BLK: variants seen among roughly 807,000 people sequenced by gnomAD.
BLK encodes tyrosine-protein kinase Blk.
In BLK, 64 loss-of-function variants were observed where a neutral mutation model predicts 61.8. The observed-to-expected ratio is 1.03, with a 90% CI of 0.85 to 1.27. The LOEUF (loss-of-function observed/expected upper bound fraction) is 1.27. Ranked by LOEUF, BLK falls within the 50% of genes most tolerant of loss-of-function variation. The pLI is 0.00. For missense variants in BLK, 853 were observed against 660.5 expected, an observed-to-expected ratio of 1.29 and a Z score of -3.19; for synonymous variants, 351 against 272.0, an observed-to-expected ratio of 1.29 and a Z score of -2.86.
chr8:11,562,873 C>T (rs1169657155), intron 11 of BLK, 106 bp from the exon 12 acceptor site: 6 of 1,526,068 alleles, frequency 3.9e-6, no homozygotes, highest in Non-Finnish European at 4.5e-6. Context: ...TGAGGCCCCG[C>T]AGTGGGGGCT....
rs752301935 is a variant in BLK at position 11,548,166 on chromosome 8, C to T, written c.269+41C>T. 3.3e-6 allele frequency: 5 copies of T among 1,519,226 alleles called. No individual in the cohort carries two copies. In the South Asian group the frequency reaches 3.4e-5, roughly 10 times the overall value. 94.1% of individuals were successfully genotyped at this position (1,519,226 alleles called of 1,614,324 possible). A position where few individuals can be genotyped will look rare whatever the true frequency, so the allele number is the denominator to read the frequency against. ...ACCATCCCCTGTCCCTGCAGGACCC[C>T]CCTCCCCCACATCTCTCCTTTCTCC... On this transcript the variant is annotated intron_variant, in intron 4 of 12. Coordinates refer to ENST00000259089, the MANE Select transcript of BLK (RefSeq NM_001715.3).
intron 2 of BLK, among the ~76,000 whole-genome samples, chr8:11,544,207 C>T (rs1269998446): frequency 1.3e-5 from 2 of 152,140 alleles, no homozygotes; most frequent in South Asian, 2.1e-4. Context: ...TCAGGTGATC[C>T]ACCTGCCTTG....
intron 1 of BLK, among the ~76,000 whole-genome samples, chr8:11,507,688 C>T (rs1798830117): frequency 6.6e-6 from 1 of 152,152 alleles, no homozygotes; most frequent in South Asian, 2.1e-4. Context: ...CAACATACAG[C>T]TCAGTGGGTG....
At chr8:11,545,221 T>A (rs1585390980) in intron 2 of BLK, among the ~76,000 whole-genome samples, 1 of 152,192 alleles carries the variant, frequency 6.6e-6, no homozygotes, top group Admixed American at 6.5e-5. Flanking sequence ...TTGTTTATTC[T>A]TCTGTCATGA....
intron 1 of BLK, among the ~76,000 whole-genome samples, chr8:11,517,069 T>C (rs933457113): frequency 1.5e-4 from 23 of 152,204 alleles, no homozygotes; most frequent in African/African-American, 5.5e-4. Flanking sequence ...AGCGATGTGA[T>C]GGGACCTAAC....
At chr8:11,498,444 C>T (rs149281731) in intron 1 of BLK, among the ~76,000 whole-genome samples, 1 of 152,284 alleles carries the variant, frequency 6.6e-6, no homozygotes, top group East Asian at 1.9e-4. Context: ...CCAAAGGGGT[C>T]TGTGAACCCC....
intron 1 of BLK, among the ~76,000 whole-genome samples, chr8:11,520,731 TACA>T (rs1799417368): frequency 2.6e-5 from 4 of 151,832 alleles, no homozygotes; most frequent in Admixed American, 6.6e-5. Flanking sequence ...GAAAAGGTAA[TACA>T]ACATCTACAC....
chr8:11,497,780 C>G (rs1798411091), intron 1 of BLK, among the ~76,000 whole-genome samples: 1 of 152,240 alleles, frequency 6.6e-6, no homozygotes, highest in Non-Finnish European at 1.5e-5. Context: ...TGACAGGACC[C>G]TTGGAAGAAA....
chr8:11,545,050 T>G (rs1322544359), intron 2 of BLK, among the ~76,000 whole-genome samples: 2 of 152,234 alleles, frequency 1.3e-5, no homozygotes, highest in East Asian at 3.8e-4. Flanking sequence ...TAAACGATAT[T>G]TAGTTTCATT....
intron 1 of BLK, among the ~76,000 whole-genome samples, chr8:11,525,376 T>A (rs1177780075): frequency 6.6e-6 from 1 of 152,220 alleles, no homozygotes; most frequent in Non-Finnish European, 1.5e-5. Flanking sequence ...AGTAGTTTGA[T>A]TTTTACCAAA....
Position 11,563,907 on chromosome 8 carries a change from G to T in BLK, c.1317G>T (p.Met439Ile), listed in dbSNP as rs1393278000. ...VTYGRVPYPG[M>I]SNPEVIRNLE... ...TTGCGGTCTCCTCTGCCGCAGGGAT[G>T]AGCAACCCCGAGGTCATCCGCAACC... Residue 439 changes from methionine (M) to isoleucine (I), a missense_variant, in exon 13 of 13, where the codon ATG becomes ATT. Transcript: ENST00000259089. 1 of 1,608,874 alleles carries T rather than the reference G, an allele frequency of 6.2e-7. No homozygotes were observed. Among genetic ancestry groups the T allele is most frequent in the Non-Finnish European group, 8.5e-7 (1 of 1,179,390 alleles).
At chr8:11,555,032 C>G in intron 7 of BLK, 143 bp downstream of exon 7, 57 of 1,322,400 alleles carry the variant, frequency 4.3e-5, no homozygotes, top group Non-Finnish European at 5.8e-5. Flanking sequence ...GAGGTAGCAA[C>G]TCTGAGCACC....
chr8:11,497,577 C>T (rs1321282511), intron 1 of BLK, among the ~76,000 whole-genome samples: 1 of 152,202 alleles, frequency 6.6e-6, no homozygotes, highest in African/African-American at 2.4e-5. Flanking sequence ...CAGGTCCCAG[C>T]ACCCAGCGCA....
At chr8:11,548,709 T>G (rs1049253994) in intron 4 of BLK, among the ~76,000 whole-genome samples, 3 of 152,196 alleles carry the variant, frequency 2.0e-5, no homozygotes, top group African/African-American at 7.2e-5. Context: ...GCCAACCGTG[T>G]TTTTCTCAAG....
intron 1 of BLK, among the ~76,000 whole-genome samples, chr8:11,521,693 CGAG>C (rs1799456265): frequency 6.6e-6 from 1 of 152,192 alleles, no homozygotes; most frequent in African/African-American, 2.4e-5. Context: ...CCTCATTTAT[CGAG>C]TAGCTCATAC....
intron 1 of BLK, among the ~76,000 whole-genome samples, chr8:11,535,788 C>G (rs1217297971): frequency 6.6e-6 from 1 of 152,216 alleles, no homozygotes; most frequent in Non-Finnish European, 1.5e-5. Context: ...GACAGCATCT[C>G]TACCAAGAGG....
At chr8:11,517,898 G>T (rs1799289807) in intron 1 of BLK, among the ~76,000 whole-genome samples, 2 of 152,224 alleles carry the variant, frequency 1.3e-5, no homozygotes, top group South Asian at 4.1e-4. Flanking sequence ...GAAAGCCAGA[G>T]AAATGCATTT....
At chr8:11,560,155 G>GGATGCATGGATGGA (rs1801428034) in intron 10 of BLK, 1 of 41,208 alleles carries the variant, frequency 2.4e-5, no homozygotes, top group Non-Finnish European at 7.0e-5. Flanking sequence ...GGGTGGGTGG[G>GGATGCATGGATGGA]TGGGTGGGTG....
chr8:11,503,945 G>C (rs1798661653), intron 1 of BLK, among the ~76,000 whole-genome samples: 1 of 152,142 alleles, frequency 6.6e-6, no homozygotes, highest in Non-Finnish European at 1.5e-5. Flanking sequence ...CCCCCAGAGA[G>C]GCTCCTGGCC....
Sources: gnomAD v4.1 joint callset for allele counts (sites outside exome capture counted in the v4.1 genomes callset) on GRCh38, gnomAD v4.1.1 for gene constraint, MANE v1.5 for transcripts, NCBI Gene and HGNC (gene_info 2026-07-23, HGNC 2026-07-21) for gene names.